HSPA13: variants seen among roughly 807,000 people sequenced by gnomAD.
The protein encoded by HSPA13 is heat shock 70 kDa protein 13.
HSPA13 carries 29 observed loss-of-function variants against 38.8 expected under a neutral mutation model. The ratio of observed to expected loss-of-function variants is 0.75; its 90% CI spans 0.56 to 1.02. The LOEUF is 1.02. Among genes scored for constraint, HSPA13 ranks in the 50% least tolerant of loss-of-function variants. HSPA13 has a pLI of 0.00. For missense variants in HSPA13, 451 were observed against 560.9 expected, an observed-to-expected ratio of 0.80 and a Z score of 1.98; for synonymous variants, 192 against 205.3, an observed-to-expected ratio of 0.94 and a Z score of 0.56.
At chr21:14,375,268 T>A (rs763652210) in intron 4 of HSPA13, among the ~76,000 whole-genome samples, 2 of 152,160 alleles carry the variant, frequency 1.3e-5, no homozygotes, top group African/African-American at 4.8e-5. Flanking sequence ...TGAGCCGTAA[T>A]TGGGTAACTG....
At chr21:14,382,951 G>C (rs1053740555) in intron 1 of HSPA13, 144 bp downstream of exon 1, 4 of 1,036,824 alleles carry the variant, frequency 3.9e-6, no homozygotes, top group Non-Finnish European at 6.0e-6. Context: ...CCGAACAGCC[G>C]AAAACCGTCT....
At chr21:14,375,054 T>C (rs926537375) in intron 4 of HSPA13, among the ~76,000 whole-genome samples, 4 of 152,130 alleles carry the variant, frequency 2.6e-5, no homozygotes, top group Admixed American at 6.6e-5. Flanking sequence ...TAAGCTAAAT[T>C]CGACAAAATA....
Position 14,383,108 on chromosome 21 carries a change from C to A in HSPA13, c.12G>T (p.Glu4Asp). 1 of 1,614,152 alleles carries A rather than the reference C, an allele frequency of 6.2e-7. No individual in the cohort carries two copies. Among genetic ancestry groups the A allele is most frequent in the Non-Finnish European group, 8.5e-7 (1 of 1,180,008 alleles). The stretch of plus-strand genomic sequence containing the variant: ...CCGGGAACCCACCTAAGATCGTCAT[C>A]TCTCTGGCCATCACAGTCCCGCCGA... MAREMTILGSAVLT... is the reference protein window; with the variant it reads MARDMTILGSAVLT... The change falls in exon 1 of 5, where the codon GAG becomes GAT. Residue 4 changes from glutamate (E) to aspartate (D), a missense_variant. Transcript: ENST00000285667.
intron 4 of HSPA13, 76 bp downstream of exon 4, chr21:14,375,576 C>T (rs1984000214): frequency 1.6e-6 from 2 of 1,241,626 alleles, no homozygotes; most frequent in Non-Finnish European, 1.1e-6. Context: ...TCGTGATCCA[C>T]CCGCCTCGGC....
Position 14,378,280 on chromosome 21 carries a change from C to A in HSPA13, c.499G>T (p.Val167Phe). The change falls in exon 3 of 5, where the codon GTT becomes TTT. Residue 167 changes from valine (V) to phenylalanine (F), a missense_variant. Val to Phe is a conservative substitution (Grantham distance 50). Transcript: ENST00000285667. ...EMAEAYLGMP[V>F]ANAVISVPAE... ...GGTACAGAAATGACAGCATTGGCAA[C>A]TGGCATTCCAAGATATGCCTCTGCC... 6.2e-7 allele frequency: 1 copy of A among 1,614,014 alleles called. No homozygotes were observed. Among genetic ancestry groups the A allele is most frequent in the Non-Finnish European group, 8.5e-7 (1 of 1,179,890 alleles).
In HSPA13 at chr21:14,372,556, C is replaced by T. The variant is rs896893636; in HGVS notation, c.*1061G>A. 7.2e-5 allele frequency: 11 copies of T among 152,038 alleles called. No individual in the cohort carries two copies. The highest frequency in any genetic ancestry group is 2.7e-4 in the African/African-American group (11 of 41,424). 9.4% of individuals were successfully genotyped at this position (152,038 alleles called of 1,614,324 possible). A position where few individuals can be genotyped will look rare whatever the true frequency, so the allele number is the denominator to read the frequency against. ...AACTAACCTAATGTTTGAAAAGAGT[C>T]CAAGTGTGATTATTTAAAAATAATA... On this transcript the variant is annotated 3_prime_UTR_variant, in exon 5 of 5. Transcript: ENST00000285667.
intron 4 of HSPA13, 117 bp downstream of exon 4, chr21:14,375,535 T>C: frequency 1.8e-6 from 1 of 558,296 alleles, no homozygotes; most frequent in Non-Finnish European, 3.1e-6. Context: ...GGTTTCACCG[T>C]GTTAGCCAGG....
chr21:14,371,138 G>T lies in HSPA13; in HGVS notation c.*2479C>A, dbSNP rs753754445. On this transcript the variant is annotated 3_prime_UTR_variant, in exon 5 of 5. Coordinates refer to ENST00000285667, the MANE Select transcript of HSPA13 (RefSeq NM_006948.5). Reference sequence around the variant, plus strand: ...AGTTTAAAAAACAAACTGCAAAATGGTATTTATTTACATTAAAACATGAAT... The same window carrying T: ...AGTTTAAAAAACAAACTGCAAAATGTTATTTATTTACATTAAAACATGAAT... 4 of 152,360 alleles carry T rather than the reference G, an allele frequency of 2.6e-5. No homozygotes were observed. Among genetic ancestry groups the T allele is most frequent in the Admixed American group, 6.6e-5 (1 of 15,250 alleles). The allele number at this position is 152,360 out of a possible 1,614,324, so 9.4% of individuals were successfully genotyped here.
chr21:14,378,212 A>G lies in HSPA13; in HGVS notation c.567T>C (p.Ala189=), dbSNP rs1165132038. ...DLKQRNSTIE[A]ANLAGLKILR... ...GGGTACTGTTACCTGCAAGGTTAGC[A>G]GCTTCAATTGTTGAATTTCTCTGTT... The change falls in exon 3 of 5, where the codon GCT becomes GCC. Residue 189 remains alanine, a synonymous_variant. Coordinates refer to ENST00000285667, the MANE Select transcript of HSPA13 (RefSeq NM_006948.5). 1 of 1,613,812 alleles carries G rather than the reference A, an allele frequency of 6.2e-7. No individual in the cohort carries two copies. The highest frequency in any genetic ancestry group is 8.5e-7 in the Non-Finnish European group (1 of 1,179,680).
In HSPA13 at chr21:14,378,212, A is replaced by T; in HGVS notation, c.567T>A (p.Ala189=). The T allele has an allele frequency of 6.2e-7, 1 of 1,613,812 alleles. No homozygotes were observed. Among genetic ancestry groups the T allele is most frequent in the Non-Finnish European group, 8.5e-7 (1 of 1,179,680 alleles). The change falls in exon 3 of 5, where the codon GCT becomes GCA. Residue 189 remains alanine (A), a synonymous_variant. Coordinates refer to ENST00000285667, the MANE Select transcript of HSPA13 (RefSeq NM_006948.5). ...DLKQRNSTIE[A]ANLAGLKILR... ...GGGTACTGTTACCTGCAAGGTTAGC[A>T]GCTTCAATTGTTGAATTTCTCTGTT...
At position 14,372,282 on chromosome 21, in the gene HSPA13, C is replaced by A. The variant is rs1369140770; in HGVS notation, c.*1335G>T. The A allele has an allele frequency of 6.6e-6, 1 of 151,768 alleles. No individual in the cohort carries two copies. The highest frequency in any genetic ancestry group is 1.5e-5 in the Non-Finnish European group (1 of 67,888). 9.4% of individuals were successfully genotyped at this position (151,768 alleles called of 1,614,324 possible). On this transcript the variant is annotated 3_prime_UTR_variant, in exon 5 of 5. Transcript: ENST00000285667. Reference sequence around the variant, plus strand: ...TAATTTTTGAATAATATGAAGCATTCCTCTATTAAGGAAAATATGTATATA... The same window carrying A: ...TAATTTTTGAATAATATGAAGCATTACTCTATTAAGGAAAATATGTATATA...
intron 3 of HSPA13, among the ~76,000 whole-genome samples, chr21:14,377,130 A>G (rs1984048039): frequency 6.6e-6 from 1 of 151,824 alleles, no homozygotes; most frequent in African/African-American, 2.4e-5. Context: ...AGTCCTCCAC[A>G]ATAAAGAATT....
rs1027418830 is a variant in HSPA13 at position 14,373,587 on chromosome 21, G to A, written c.*30C>T. On this transcript the variant is annotated 3_prime_UTR_variant, in exon 5 of 5. Coordinates refer to ENST00000285667, the MANE Select transcript of HSPA13 (RefSeq NM_006948.5). ...TAAATGGGAAGAGATCATCAGACAA[G>A]TTCACAAATAACCATTATTTCTGCA... The A allele has an allele frequency of 2.6e-6, 4 of 1,542,054 alleles. No homozygotes were observed. The African/African-American group carries it at 5.5e-5, about 21-fold the overall frequency.
In HSPA13 at chr21:14,381,436, C is replaced by T; in HGVS notation, c.133G>A (p.Val45Ile). 6.2e-7 allele frequency: 1 copy of T among 1,614,130 alleles called. No homozygotes were observed. Among genetic ancestry groups the T allele is most frequent in the South Asian group, 1.1e-5 (1 of 91,080 alleles). The change falls in exon 2 of 5, where the codon GTT becomes ATT. Residue 45 changes from valine to isoleucine, a missense_variant. Coordinates refer to ENST00000285667, the MANE Select transcript of HSPA13 (RefSeq NM_006948.5). ...GIDLGTTYCS[V>I]GVFFPGTGKV... ...CCTGTGCCAGGAAAAAACACCCCAA[C>T]AGAACAATAGGTGGTGCCAAGATCA... is the stretch of plus-strand genomic sequence containing the variant.
Position 14,373,645 on chromosome 21 carries a change from T to C in HSPA13, c.1388A>G (p.Lys463Arg). Residue 463 changes from lysine (K) to arginine (R), a missense_variant, in exon 5 of 5, where the codon AAG becomes AGG. By Grantham distance (26) the Lys-to-Arg change is conservative. Coordinates refer to ENST00000285667, the MANE Select transcript of HSPA13 (RefSeq NM_006948.5). ...LQVSALEIPN[K>R]HLQKTNFN ...GTTGAAGTTGGTTTTTTGTAAATGC[T>C]TATTGGGAATTTCTAAAGCACTGAC... The C allele has an allele frequency of 6.2e-7, 1 of 1,612,064 alleles. No individual in the cohort carries two copies. The highest frequency in any genetic ancestry group is 8.5e-7 in the Non-Finnish European group (1 of 1,179,614).
Position 14,373,630 on chromosome 21 carries a change from G to GT in HSPA13, c.1402dup (p.Thr468AsnfsTer18). 1.2e-6 allele frequency: 2 copies of GT among 1,608,688 alleles called. No individual in the cohort carries two copies. The highest frequency in any genetic ancestry group is 1.7e-6 in the Non-Finnish European group (2 of 1,178,542). On this transcript the variant is annotated frameshift_variant, in exon 5 of 5. Coordinates refer to ENST00000285667, the MANE Select transcript of HSPA13 (RefSeq NM_006948.5). LOFTEE classifies it high-confidence loss of function. ...TTTCTGCAGAATTCAGTTGAAGTTG[G>GT]TTTTTTGTAAATGCTTATTGGGAAT...
intron 4 of HSPA13, 43 bp from the exon 5 acceptor site, chr21:14,374,327 G>T (rs566295886): frequency 7.3e-7 from 1 of 1,364,762 alleles, no homozygotes. Flanking sequence ...GCATATATGT[G>T]TGTATGTATA....
At position 14,372,449 on chromosome 21, in the gene HSPA13, T is replaced by C. The variant is rs1982849872; in HGVS notation, c.*1168A>G. The C allele has an allele frequency of 6.6e-6, 1 of 152,142 alleles. No individual in the cohort carries two copies. Among genetic ancestry groups the C allele is most frequent in the South Asian group, 2.1e-4 (1 of 4,834 alleles). The allele number at this position is 152,142 out of a possible 1,614,324, so 9.4% of individuals were successfully genotyped here. On this transcript the variant is annotated 3_prime_UTR_variant, in exon 5 of 5. Transcript: ENST00000285667. ...AAACAACTCTGCTCCAAATGCCGAT[T>C]TGTAGAAACCTTGCCACAATGGCTT... is the stretch of plus-strand genomic sequence containing the variant.
intron 2 of HSPA13, among the ~76,000 whole-genome samples, chr21:14,379,085 T>C (rs1215894968): frequency 3.3e-5 from 5 of 152,156 alleles, no homozygotes; most frequent in Non-Finnish European, 5.9e-5. Flanking sequence ...TCCCTTTTTT[T>C]CCCAAATTTC....
Sources: allele counts gnomAD v4.1 joint callset (sites outside exome capture counted in the v4.1 genomes callset), GRCh38; gene constraint gnomAD v4.1.1; transcripts MANE v1.5; gene names NCBI Gene and HGNC (gene_info 2026-07-23, HGNC 2026-07-21).